RTEL1: variants seen among roughly 807,000 people sequenced by gnomAD.
The protein encoded by RTEL1 is regulator of telomere length.
Under a neutral mutation model 162.2 loss-of-function variants are expected in RTEL1, and 86 were observed. That is an observed-to-expected ratio of 0.53 (90% CI 0.45 to 0.63). The LOEUF is 0.63. RTEL1 is among the 30% of genes least tolerant of loss of function. The pLI is 0.00. For missense variants in RTEL1, 1,941 were observed against 1,750.2 expected (o/e 1.11, Z -1.95); for synonymous variants, 958 against 717.9 (o/e 1.33, Z -5.35).
rs201617354 is a variant in RTEL1 at position 63,695,227 on chromosome 20, G to A, written c.3499+6G>A. On this transcript the variant is annotated splice_donor_region_variant and intron_variant, in intron 33 of 34. Transcript: ENST00000360203. ...CCACAGGGCTCCCCAACCAGGTAGG[G>A]CACCTGCCTGGCTGCTCCTGGCAGC... 149 of 1,610,054 alleles carry A rather than the reference G, an allele frequency of 9.3e-5. No homozygotes were observed. The Admixed American group carries it at 2.4e-3, about 26-fold the overall frequency.
At chr20:63,669,255 C>G (rs568033772) in intron 8 of RTEL1, among the ~76,000 whole-genome samples, 1 of 152,102 alleles carries the variant, frequency 6.6e-6, no homozygotes. Context: ...GATATCTGTT[C>G]GGAAAACAGT....
At chr20:63,686,418 G>A (rs1020033068) in intron 16 of RTEL1, 2 of 158,932 alleles carry the variant, frequency 1.3e-5, no homozygotes, top group Admixed American at 1.2e-4. Flanking sequence ...TCGGCTCCGT[G>A]TCCGGAGCCC....
intron 2 of RTEL1, among the ~76,000 whole-genome samples, chr20:63,659,904 G>A (rs923712131): frequency 1.3e-5 from 2 of 152,224 alleles, no homozygotes; most frequent in African/African-American, 2.4e-5. Flanking sequence ...GAGGAATGCG[G>A]CAGGACAGCA....
chr20:63,678,069 G>C lies in RTEL1; in HGVS notation c.920-76G>C. The C allele has an allele frequency of 1.9e-6, 3 of 1,556,048 alleles. No homozygotes were observed. In the South Asian group the frequency reaches 3.4e-5, roughly 17 times the overall value. On this transcript the variant is annotated intron_variant, in intron 10 of 34. Coordinates refer to ENST00000360203, the MANE Select transcript of RTEL1 (RefSeq NM_001283009.2). ...GTTGGTGTCCTTTTTTCCATGCCAGGAATCCTGGTTCTCAAGGGCGGGGTT... is the reference window on the plus strand; with the variant it reads ...GTTGGTGTCCTTTTTTCCATGCCAGCAATCCTGGTTCTCAAGGGCGGGGTT...
intron 14 of RTEL1, among the ~76,000 whole-genome samples, chr20:63,684,873 T>C (rs148113549): frequency 6.6e-6 from 1 of 151,904 alleles, no homozygotes; most frequent in Non-Finnish European, 1.5e-5. Context: ...TTGACTAGAA[T>C]GTGTTGAATT....
rs2090021238 is a variant in RTEL1, at chr20:63,661,561, G to A, written c.301+65G>A. 6.7e-7 allele frequency: 1 copy of A among 1,499,828 alleles called. No individual in the cohort carries two copies. Among genetic ancestry groups the A allele is most frequent in the Non-Finnish European group, 9.0e-7 (1 of 1,108,334 alleles). The allele number at this position is 1,499,828 out of a possible 1,614,324, so 92.9% of individuals were successfully genotyped here. A position where few individuals can be genotyped will look rare whatever the true frequency, so the allele number is the denominator to read the frequency against. On this transcript the variant is annotated intron_variant, in intron 3 of 34. Transcript: ENST00000360203. This position sits in a 1 kb window ranked among gnomAD's most constrained non-coding sequence, Gnocchi z 5.1. The stretch of plus-strand genomic sequence containing the variant: ...GATGGTTGGCAAGGGATGGCGCTGA[G>A]GGTGGGGTGGGCCCATGGGGACTCC...
rs752909114 is a variant in RTEL1, at chr20:63,689,516, G to A, written c.1893G>A (p.Leu631=). 1.2e-6 allele frequency: 2 copies of A among 1,605,702 alleles called. No individual in the cohort carries two copies. The highest frequency in any genetic ancestry group is 2.2e-5 in the East Asian group (1 of 44,710). The change falls in exon 23 of 35, where the codon CTG becomes CTA. Residue 631 remains leucine, a synonymous_variant. Transcript: ENST00000360203. ...GTGTCCCCTAGGCCAGCGAGGGGCT[G>A]GACTTCTCAGACACGAATGGCCGTG... ...AVCRGKASEG[L]DFSDTNGRGV...
intron 12 of RTEL1, among the ~76,000 whole-genome samples, chr20:63,678,835 AAC>A (rs1189535414): frequency 3.9e-5 from 5 of 127,270 alleles, no homozygotes; most frequent in African/African-American, 1.9e-4. Flanking sequence ...ACACCCACGG[AAC>A]GGCACACACT....
chr20:63,693,983 C>T (rs561354922), intron 30 of RTEL1, among the ~76,000 whole-genome samples: 193 of 151,830 alleles, frequency 1.3e-3, no homozygotes, highest in African/African-American at 4.4e-3. Context: ...GAGTCCAAGT[C>T]TCCAGAGGCG....
At chr20:63,691,492 C>T (rs953979828) in intron 27 of RTEL1, among the ~76,000 whole-genome samples, 8 of 152,264 alleles carry the variant, frequency 5.3e-5, no homozygotes, top group Non-Finnish European at 1.0e-4. Context: ...GCCAGCCCCT[C>T]GCTGTGGTCG....
At chr20:63,665,643 A>G (rs2090110490) in intron 6 of RTEL1, among the ~76,000 whole-genome samples, 1 of 150,934 alleles carries the variant, frequency 6.6e-6, no homozygotes, top group South Asian at 2.1e-4. Context: ...TTGGGGCGAT[A>G]GGCTGAGGGG....
chr20:63,662,093 G>A (rs2090031930), intron 4 of RTEL1, 150 bp downstream of exon 4: 13 of 678,818 alleles, frequency 1.9e-5, no homozygotes, highest in Non-Finnish European at 3.1e-5. Flanking sequence ...GGTGCCCAGG[G>A]GTGGGGTGCG....
At position 63,674,173 on chromosome 20, in the gene RTEL1, C is replaced by G. The variant is rs552851189; in HGVS notation, c.919+80C>G. ...CCCCACCCGGAGTTCAGCACGGACT[C>G]CCCCAGCCCAGGTGCGTTCATAGCC... On this transcript the variant is annotated intron_variant, in intron 10 of 34. Coordinates refer to ENST00000360203, the MANE Select transcript of RTEL1 (RefSeq NM_001283009.2). 2.2e-5 allele frequency: 34 copies of G among 1,523,188 alleles called. No individual in the cohort carries two copies. The East Asian group carries it at 6.9e-4, about 31-fold the overall frequency. The allele number at this position is 1,523,188 out of a possible 1,614,324, so 94.4% of individuals were successfully genotyped here.
chr20:63,689,900 G>C (rs754292865), intron 24 of RTEL1, 35 bp downstream of exon 24: 1 of 1,577,370 alleles, frequency 6.3e-7, no homozygotes, highest in Non-Finnish European at 8.6e-7. Context: ...CGGCGCCAGG[G>C]GACACGCCCA....
At chr20:63,693,839 C>T (rs1260597117) in intron 30 of RTEL1, among the ~76,000 whole-genome samples, 7 of 147,532 alleles carry the variant, frequency 4.7e-5, no homozygotes, top group East Asian at 4.1e-4. Context: ...ATAGCCCCGA[C>T]CCCTAAGCAC....
At chr20:63,662,806 G>C in intron 5 of RTEL1, 23 bp from the exon 6 acceptor site, 1 of 1,613,454 alleles carries the variant, frequency 6.2e-7, no homozygotes, top group Non-Finnish European at 8.5e-7. Context: ...CTTCAGCTGC[G>C]CACTCTGCCC....
chr20:63,694,299 G>GGCCAGGC, intron 30 of RTEL1, 73 bp from the exon 31 acceptor site: 1 of 841,718 alleles, frequency 1.2e-6, no homozygotes, highest in Non-Finnish European at 2.0e-6. Flanking sequence ...TCCCTAGCCA[G>GGCCAGGC]CCCTGCCCCC....
At chr20:63,682,585 G>T in intron 14 of RTEL1, 2 of 985,984 alleles carry the variant, frequency 2.0e-6, no homozygotes, top group South Asian at 9.4e-5. Flanking sequence ...CTCAGCTTCT[G>T]CCAGCCCTCG....
At chr20:63,693,456 TC>T (rs2090830217) in intron 30 of RTEL1, among the ~76,000 whole-genome samples, 173 bp downstream of exon 30, 1 of 21,040 alleles carries the variant, frequency 4.8e-5, no homozygotes, top group Non-Finnish European at 8.6e-5. Flanking sequence ...CAGCACCACC[TC>T]CACCTCCACC....
Sources: gnomAD v4.1 joint callset for allele counts (sites outside exome capture counted in the v4.1 genomes callset) on GRCh38, gnomAD v4.1.1 for gene constraint, Gnocchi (gnomAD v3.1) non-coding constraint, MANE v1.5 for transcripts, NCBI Gene and HGNC (gene_info 2026-07-23, HGNC 2026-07-21) for gene names.